WDHD1: variants seen among roughly 807,000 people sequenced by gnomAD.
WDHD1 encodes WD repeat and HMG-box DNA binding protein 1.
Under a neutral mutation model 135.4 loss-of-function variants are expected in WDHD1, and 111 were observed. That is an observed-to-expected ratio of 0.82 (90% CI 0.70 to 0.96). The LOEUF (loss-of-function observed/expected upper bound fraction) is 0.96. WDHD1 is among the 40% of genes least tolerant of loss of function. WDHD1 has a pLI of 0.00. For synonymous variants in WDHD1, 434 were observed against 439.0 expected, an observed-to-expected ratio of 0.99 and a Z score of 0.14; for missense variants, 1,351 against 1,336.3, an observed-to-expected ratio of 1.01 and a Z score of -0.17.
intron 16 of WDHD1, among the ~76,000 whole-genome samples, chr14:54,969,124 C>T (rs536990613): frequency 2.6e-5 from 4 of 152,140 alleles, no homozygotes; most frequent in East Asian, 3.9e-4. Flanking sequence ...CTGCAAGCTC[C>T]GCCTTCCAGG....
intron 2 of WDHD1, among the ~76,000 whole-genome samples, chr14:55,020,967 C>T (rs1225581799): frequency 6.6e-6 from 1 of 152,074 alleles, no homozygotes; most frequent in Non-Finnish European, 1.5e-5. Flanking sequence ...TCATCCTTAT[C>T]GTCTTCACAG....
intron 16 of WDHD1, among the ~76,000 whole-genome samples, chr14:54,976,135 T>C (rs556498695): frequency 3.3e-4 from 50 of 152,174 alleles, no homozygotes; most frequent in Admixed American, 7.9e-4. Flanking sequence ...CTAGGCCACA[T>C]TGGCTTTCCA....
rs768804419 is a variant in WDHD1 at position 54,995,616 on chromosome 14, A to T, written c.1140T>A (p.Asp380Glu). The change falls in exon 11 of 26, where the codon GAT (aspartate) becomes GAA (glutamate). Residue 380 changes from aspartate to glutamate, a missense_variant. Physicochemically the swap from Asp to Glu is conservative, Grantham distance 45. Transcript: ENST00000360586. Reference sequence around the variant, plus strand: ...TCAAATTCTTACCAACTGAGTTTTCATCATCTTCTAGGATGTGACTTCGCT... The same window carrying T: ...TCAAATTCTTACCAACTGAGTTTTCTTCATCTTCTAGGATGTGACTTCGCT... ...PRQRSHILED[D>E]ENSVDISMLK... 1 of 1,592,562 alleles carries T rather than the reference A, an allele frequency of 6.3e-7. No individual in the cohort carries two copies. Among genetic ancestry groups the T allele is most frequent in the Non-Finnish European group, 8.5e-7 (1 of 1,171,260 alleles).
intron 2 of WDHD1, among the ~76,000 whole-genome samples, chr14:55,015,480 A>G (rs2042245530): frequency 6.6e-6 from 1 of 151,524 alleles, no homozygotes; most frequent in African/African-American, 2.4e-5. Flanking sequence ...AACATAACAC[A>G]CATAACACAT....
At chr14:54,972,404 C>G (rs1302266036) in intron 16 of WDHD1, among the ~76,000 whole-genome samples, 1 of 150,426 alleles carries the variant, frequency 6.6e-6, no homozygotes, top group Non-Finnish European at 1.5e-5. Flanking sequence ...GTGGTGAAAA[C>G]CCATCTCTAC....
rs1210858736 is a variant in WDHD1, at chr14:54,991,341, C to T, written c.1213G>A (p.Glu405Lys). 6.2e-7 allele frequency: 1 copy of T among 1,614,192 alleles called. No homozygotes were observed. The highest frequency in any genetic ancestry group is 8.5e-7 in the Non-Finnish European group (1 of 1,180,030). The change falls in exon 12 of 26, where the codon GAA (glutamate) becomes AAA (lysine). Residue 405 changes from glutamate to lysine, a missense_variant. Glu to Lys is a moderately conservative substitution (Grantham distance 56). This residue lies in a region of WDHD1 where 1,330 missense variants were observed against 1,296.1 expected (regional missense o/e 1.03). Coordinates refer to ENST00000360586, the MANE Select transcript of WDHD1 (RefSeq NM_007086.4). ...LLKEEEEDGQ[E>K]GSIHNLPLVT... ...AGTGGTAGATTGTGAATGCTGCCTT[C>T]TTGACCATCTTCCTCCTCCTCTTTG...
At chr14:55,017,713 T>C (rs956426283) in intron 2 of WDHD1, among the ~76,000 whole-genome samples, 33 of 152,330 alleles carry the variant, frequency 2.2e-4, no homozygotes, top group African/African-American at 7.2e-4. Flanking sequence ...GGAATTACAA[T>C]TCATGATTCT....
At chr14:54,947,299 T>C (rs998656578) in intron 24 of WDHD1, among the ~76,000 whole-genome samples, 1 of 152,146 alleles carries the variant, frequency 6.6e-6, no homozygotes, top group African/African-American at 2.4e-5. Flanking sequence ...GATTGTGCCA[T>C]TGCATTGCAG....
At chr14:54,994,830 C>A (rs2041850882) in intron 11 of WDHD1, among the ~76,000 whole-genome samples, 1 of 151,960 alleles carries the variant, frequency 6.6e-6, no homozygotes, top group South Asian at 2.1e-4. Flanking sequence ...TTCAAGTGCT[C>A]AACAGCTACA....
chr14:55,013,422 C>G (rs2042206805), intron 3 of WDHD1, 63 bp downstream of exon 3: 1 of 1,138,686 alleles, frequency 8.8e-7, no homozygotes, highest in Admixed American at 1.8e-5. Flanking sequence ...TATTTTTTCA[C>G]TCAAGCATAA....
At chr14:54,989,484 T>C (rs1408942552) in intron 12 of WDHD1, among the ~76,000 whole-genome samples, 2 of 152,074 alleles carry the variant, frequency 1.3e-5, no homozygotes, top group African/African-American at 4.8e-5. Context: ...AAAAATAAAT[T>C]ACATGACTGT....
intron 2 of WDHD1, among the ~76,000 whole-genome samples, chr14:55,019,874 A>C (rs1015968634): frequency 6.6e-6 from 1 of 152,122 alleles, no homozygotes; most frequent in Admixed American, 6.5e-5. Context: ...ATCTCAACAA[A>C]AAAGAAATCC....
chr14:55,011,860 A>G (rs1156874182), intron 3 of WDHD1, among the ~76,000 whole-genome samples: 5 of 152,114 alleles, frequency 3.3e-5, no homozygotes, highest in African/African-American at 1.2e-4. Flanking sequence ...TAACTTCTCA[A>G]TTGAAAGACC....
chr14:54,984,656 A>C, intron 15 of WDHD1, 67 bp downstream of exon 15: 2 of 1,289,904 alleles, frequency 1.6e-6, no homozygotes, highest in East Asian at 5.7e-5. Context: ...CAATGAAATA[A>C]TTTTCTTCTT....
chr14:55,015,379 CAAAAAAAAA>C lies in WDHD1; in HGVS notation c.78-1792_78-1784del, dbSNP rs60609405. On this transcript the variant is annotated intron_variant, in intron 2 of 25. Coordinates refer to ENST00000360586, the MANE Select transcript of WDHD1 (RefSeq NM_007086.4). ...CCTGGGAAACAGCATGACACTGTCT[CAAAAAAAAA>C]AAAAAAAAAAAAAAAAAGGCTAGGG... Among the ~76,000 whole-genome samples, 5 of 54,456 alleles carry C rather than the reference CAAAAAAAAA, an allele frequency of 9.2e-5. No individual in the cohort carries two copies. In the South Asian group the frequency reaches 4.2e-3, roughly 46 times the overall value. The allele number at this position is 54,456 out of a possible 152,430, so 35.7% of individuals were successfully genotyped here.
intron 7 of WDHD1, chr14:55,004,975 G>A (rs2042040180): frequency 2.6e-5 from 14 of 541,698 alleles, no homozygotes; most frequent in South Asian, 1.8e-4. Flanking sequence ...GCAACCTCAG[G>A]TTGAGGAGCA....
intron 4 of WDHD1, 24 bp from the exon 5 acceptor site, chr14:55,008,743 A>C: frequency 2.0e-6 from 3 of 1,498,946 alleles, no homozygotes; most frequent in Non-Finnish European, 1.8e-6. Context: ...GAGTAACGCA[A>C]ATGAATAAAT....
chr14:55,004,526 C>T (rs1014810061), intron 7 of WDHD1, among the ~76,000 whole-genome samples: 9 of 152,074 alleles, frequency 5.9e-5, no homozygotes, highest in South Asian at 4.1e-4. Context: ...GATCTTGGCT[C>T]ACTGCAACCT....
intron 16 of WDHD1, among the ~76,000 whole-genome samples, chr14:54,973,465 A>AT (rs1425034555): frequency 6.6e-6 from 1 of 151,958 alleles, no homozygotes; most frequent in Non-Finnish European, 1.5e-5. Flanking sequence ...TAGGGTTCTA[A>AT]TTTTTTTGAA....
Sources: gnomAD v4.1 joint callset for allele counts (sites outside exome capture counted in the v4.1 genomes callset) on GRCh38, gnomAD v4.1.1 for gene constraint, gnomAD v4.1.1 regional missense constraint, MANE v1.5 for transcripts, NCBI Gene and HGNC (gene_info 2026-07-23, HGNC 2026-07-21) for gene names.